VPS13B: variants seen among roughly 807,000 people sequenced by gnomAD.
VPS13B encodes the protein vacuolar protein sorting 13 homolog B.
Under a neutral mutation model 426.4 loss-of-function variants are expected in VPS13B, and 285 were observed. The observed-to-expected ratio is 0.67, with a 90% CI of 0.61 to 0.74. The LOEUF is 0.74. Ranked by LOEUF, VPS13B falls within the 30% of genes least tolerant of loss-of-function variation. The pLI is 0.00. For missense variants in VPS13B, 4,537 were observed against 4,782.6 expected (o/e 0.95, Z 1.51); for synonymous variants, 1,676 against 1,676.4 (o/e 1.00, Z 0.01).
chr8:99,296,263 G>T (rs912874970), intron 19 of VPS13B, among the ~76,000 whole-genome samples: 1 of 152,074 alleles, frequency 6.6e-6, no homozygotes, highest in Non-Finnish European at 1.5e-5. Flanking sequence ...TTCTGTGCCA[G>T]ATCAGGGCAA....
At chr8:99,430,130 C>A (rs969143065) in intron 21 of VPS13B, among the ~76,000 whole-genome samples, 2 of 152,020 alleles carry the variant, frequency 1.3e-5, no homozygotes, top group African/African-American at 4.8e-5. Context: ...ACTTTATTTA[C>A]AATTTCTGAT....
chr8:99,592,727 T>C (rs1344034522), intron 33 of VPS13B, among the ~76,000 whole-genome samples: 2 of 151,952 alleles, frequency 1.3e-5, no homozygotes, highest in East Asian at 3.9e-4. Context: ...CATAGACCAA[T>C]GAAACAGAAT....
chr8:99,871,378 A>ATAAT, intron 60 of VPS13B, 70 bp from the exon 61 acceptor site: 2 of 1,610,956 alleles, frequency 1.2e-6, no homozygotes, highest in Non-Finnish European at 1.7e-6. Context: ...CCATTGGTAA[A>ATAAT]TAATGAGCAC....
chr8:99,614,337 G>A lies in VPS13B; in HGVS notation c.5221-27474G>A, dbSNP rs141319110. ...TTGTTGCACAGGCTGGAGTGCAATGGCGCAGTCTCAGCTCACCACAACCTC... is the reference window on the plus strand; with the variant it reads ...TTGTTGCACAGGCTGGAGTGCAATGACGCAGTCTCAGCTCACCACAACCTC... On this transcript the variant is annotated intron_variant, in intron 33 of 61. Coordinates refer to ENST00000357162, the MANE Select transcript of VPS13B (RefSeq NM_152564.5). Among the ~76,000 whole-genome samples, 886 of 152,122 alleles carry A rather than the reference G, an allele frequency of 5.8e-3. 6 individuals are homozygous for A. Among genetic ancestry groups the A allele is most frequent in the Non-Finnish European group, 1.0e-2 (677 of 67,982 alleles).
chr8:99,875,984 A>ACTT lies in VPS13B; in HGVS notation c.*319_*321dup, dbSNP rs1817681725. ...AGTGACAAAAACGTGTTCCTTCCCC[A>ACTT]CTTAGAGACAATGATTAACAGGGCC... On this transcript the variant is annotated 3_prime_UTR_variant, in exon 62 of 62. Transcript: ENST00000357162. The ACTT allele has an allele frequency of 2.7e-6, 1 of 376,636 alleles. No homozygotes were observed. Among genetic ancestry groups the ACTT allele is most frequent in the Non-Finnish European group, 5.0e-6 (1 of 201,568 alleles). The allele number at this position is 376,636 out of a possible 1,614,324, so 23.3% of individuals were successfully genotyped here.
At chr8:99,869,273 G>A (rs1291811652) in intron 59 of VPS13B, among the ~76,000 whole-genome samples, 3 of 152,206 alleles carry the variant, frequency 2.0e-5, no homozygotes, top group Non-Finnish European at 2.9e-5. Context: ...TCAGACATGT[G>A]AGCACACTGT....
Position 99,142,993 on chromosome 8 carries a change from C to G in VPS13B, c.1671C>G (p.Asp557Glu). The G allele has an allele frequency of 5.6e-6, 9 of 1,613,502 alleles. No individual in the cohort carries two copies. The highest frequency in any genetic ancestry group is 7.6e-6 in the Non-Finnish European group (9 of 1,179,794). The change falls in exon 13 of 62, where the codon GAC becomes GAG. Residue 557 changes from aspartate (D) to glutamate (E), a missense_variant. Asp to Glu is a conservative substitution (Grantham distance 45, BLOSUM62 2). Transcript: ENST00000357162. Reference protein sequence around the residue: ...TSGKGSTNQQDFSSGKSEDLG... With the variant: ...TSGKGSTNQQEFSSGKSEDLG... ...TTTTAGGTTCCACAAATCAACAAGA[C>G]TTTTCTTCAGGGAAAAGTGAAGATT...
intron 30 of VPS13B, among the ~76,000 whole-genome samples, chr8:99,527,344 TACATA>T (rs774309082): frequency 1.3e-5 from 2 of 152,186 alleles, no homozygotes; most frequent in Non-Finnish European, 2.9e-5. Context: ...CAACAGAACA[TACATA>T]ACATGTTATT....
chr8:99,428,665 A>G (rs1215075211), intron 21 of VPS13B, among the ~76,000 whole-genome samples: 3 of 152,130 alleles, frequency 2.0e-5, no homozygotes, highest in African/African-American at 7.2e-5. Context: ...GAGAAATAAC[A>G]CTTTTACACT....
chr8:99,670,482 G>A (rs747785018), intron 35 of VPS13B, among the ~76,000 whole-genome samples: 5 of 151,950 alleles, frequency 3.3e-5, no homozygotes, highest in Non-Finnish European at 7.4e-5. Flanking sequence ...CTTTTTATTT[G>A]TGGTGAGAAC....
intron 17 of VPS13B, among the ~76,000 whole-genome samples, chr8:99,210,763 G>A (rs186689290): frequency 6.6e-6 from 1 of 152,096 alleles, no homozygotes; most frequent in Admixed American, 6.6e-5. Flanking sequence ...CCACCAGCAT[G>A]GCCAGCTAAT....
intron 8 of VPS13B, among the ~76,000 whole-genome samples, chr8:99,129,042 A>G (rs7464318): frequency 0.74 from 111,796 of 151,998 alleles, 41,850 homozygotes; most frequent in South Asian, 0.87. Context: ...GTTTTCTAAT[A>G]TGACAAAAGT....
At chr8:99,324,609 A>G (rs951809018) in intron 19 of VPS13B, among the ~76,000 whole-genome samples, 3 of 152,198 alleles carry the variant, frequency 2.0e-5, no homozygotes, top group African/African-American at 7.2e-5. Context: ...TGAAAAAAAG[A>G]AAAAATGTCC....
At position 99,816,108 on chromosome 8, in the gene VPS13B, C is replaced by CT. The variant is rs35101856; in HGVS notation, c.8098-1420dup. The stretch of plus-strand genomic sequence containing the variant: ...CCATTTGTTTTCTCTCTCTCTCTCT[C>CT]TTTTTTTTTTTTAGACGGAGTTTTA... On this transcript the variant is annotated intron_variant, in intron 44 of 61. Coordinates refer to ENST00000357162, the MANE Select transcript of VPS13B (RefSeq NM_152564.5). 6.9e-4 allele frequency among the ~76,000 whole-genome samples: 98 copies of CT among 141,944 alleles called. 1 individual carries two copies. Among genetic ancestry groups the CT allele is most frequent in the Admixed American group, 2.9e-3 (42 of 14,502 alleles). The allele number at this position is 141,944 out of a possible 152,430, so 93.1% of individuals were successfully genotyped here. A position where few individuals can be genotyped will look rare whatever the true frequency, so the allele number is the denominator to read the frequency against.
chr8:99,471,147 A>G (rs1189334712), intron 24 of VPS13B, among the ~76,000 whole-genome samples: 1 of 152,130 alleles, frequency 6.6e-6, no homozygotes, highest in Non-Finnish European at 1.5e-5. Context: ...AAGAAATGCT[A>G]AAGGAAATTC....
At chr8:99,402,625 G>C (rs1041604477) in intron 21 of VPS13B, among the ~76,000 whole-genome samples, 2 of 151,982 alleles carry the variant, frequency 1.3e-5, no homozygotes, top group Admixed American at 6.5e-5. Flanking sequence ...AGTGAAAGAA[G>C]TCTTTCCTCC....
chr8:99,832,736 C>T lies in VPS13B; in HGVS notation c.9614+84C>T, dbSNP rs529318827. 293 of 1,385,122 alleles carry T rather than the reference C, an allele frequency of 2.1e-4. No individual in the cohort carries two copies. The African/African-American group carries it at 3.6e-3, about 17-fold the overall frequency. 85.8% of individuals were successfully genotyped at this position (1,385,122 alleles called of 1,614,324 possible). A position where few individuals can be genotyped will look rare whatever the true frequency, so the allele number is the denominator to read the frequency against. On this transcript the variant is annotated intron_variant, in intron 52 of 61. Transcript: ENST00000357162. ...TAGATGCCAAGAGAGATACAATGGT[C>T]GCAGGGCTCCCCATATGTAATATTA... is the stretch of plus-strand genomic sequence containing the variant.
intron 39 of VPS13B, among the ~76,000 whole-genome samples, chr8:99,747,727 G>A (rs1407561172): frequency 6.6e-6 from 1 of 151,954 alleles, no homozygotes; most frequent in Non-Finnish European, 1.5e-5. Context: ...TTAAATTAAT[G>A]CCATTCATTT....
intron 2 of VPS13B, 118 bp from the exon 3 acceptor site, chr8:99,038,305 C>CAAT (rs1192580467): frequency 3.7e-6 from 3 of 817,912 alleles, no homozygotes; most frequent in African/African-American, 1.7e-5. Context: ...AAGCACTAAA[C>CAAT]AATAAGTCTC....
Sources: gnomAD v4.1 joint callset for allele counts (sites outside exome capture counted in the v4.1 genomes callset) on GRCh38, gnomAD v4.1.1 for gene constraint, MANE v1.5 for transcripts, NCBI Gene and HGNC (gene_info 2026-07-23, HGNC 2026-07-21) for gene names.